The following RASGEF1A variants were observed in gnomAD, a reference collection of about 807,000 sequenced individuals.
The protein encoded by RASGEF1A is ras-GEF domain-containing family member 1A.
In RASGEF1A, 18 loss-of-function variants were observed where a neutral mutation model predicts 56.4. The observed-to-expected ratio is 0.32, with a 90% CI of 0.22 to 0.47. The LOEUF is 0.47. Among genes scored for constraint, RASGEF1A ranks in the 20% least tolerant of loss-of-function variants. The pLI is 1.00. For synonymous variants in RASGEF1A, 245 were observed against 242.6 expected (o/e 1.01, Z -0.09); for missense variants, 422 against 627.1 (o/e 0.67, Z 3.49).
intron 1 of RASGEF1A, among the ~76,000 whole-genome samples, chr10:43,261,054 G>A (rs1051478590): frequency 5.3e-5 from 8 of 151,918 alleles, no homozygotes; most frequent in Non-Finnish European, 1.0e-4. Context: ...CCTGGTGACC[G>A]CAGCTGTGGG....
chr10:43,206,936 C>A (rs1217086829), intron 1 of RASGEF1A: 5 of 985,464 alleles, frequency 5.1e-6, no homozygotes, highest in Non-Finnish European at 6.0e-6. Context: ...GGTGCCCACA[C>A]TGGGACTGTC....
At chr10:43,251,641 C>A (rs923783042) in intron 1 of RASGEF1A, among the ~76,000 whole-genome samples, 2 of 152,206 alleles carry the variant, frequency 1.3e-5, no homozygotes, top group Non-Finnish European at 2.9e-5. Flanking sequence ...GTGGCACAGT[C>A]CTGTTAATTG....
At chr10:43,263,334 C>T (rs954000) in intron 1 of RASGEF1A, among the ~76,000 whole-genome samples, 29,556 of 152,036 alleles carry the variant, frequency 0.19, 3,193 homozygotes, top group Non-Finnish European at 0.26. Context: ...TGCAGATTGG[C>T]GTGGGTGGGA....
chr10:43,209,693 A>C (rs1041145372), intron 1 of RASGEF1A, among the ~76,000 whole-genome samples: 8 of 150,726 alleles, frequency 5.3e-5, no homozygotes, highest in African/African-American at 1.5e-4. Context: ...CCCCCCCACC[A>C]GGGCTAGGCA....
intron 1 of RASGEF1A, among the ~76,000 whole-genome samples, chr10:43,247,377 G>A (rs1840577556): frequency 6.6e-6 from 1 of 152,142 alleles, no homozygotes; most frequent in South Asian, 2.1e-4. Context: ...GTTAAACAGA[G>A]TTATCATAGG....
intron 1 of RASGEF1A, among the ~76,000 whole-genome samples, chr10:43,263,931 G>A (rs537121974): frequency 1.6e-4 from 25 of 152,056 alleles, no homozygotes; most frequent in African/African-American, 5.8e-4. Context: ...CACAGGCCCC[G>A]CTTGAGTCCT....
At chr10:43,220,283 G>A (rs1840191047) in intron 1 of RASGEF1A, among the ~76,000 whole-genome samples, 1 of 152,198 alleles carries the variant, frequency 6.6e-6, no homozygotes, top group Non-Finnish European at 1.5e-5. Context: ...AGGATCGCTT[G>A]AGCCCAGGAG....
rs561409702 is a variant in RASGEF1A at position 43,212,201 on chromosome 10, A to T, written c.-6-6079T>A. On this transcript the variant is annotated intron_variant, in intron 1 of 12. Transcript: ENST00000395810. ...GAAGTTTCACAGAGCCTCCCCAGAG[A>T]TGCCTGGGATGCCAGCTGTTGTTGG... 7.9e-5 allele frequency among the ~76,000 whole-genome samples: 12 copies of T among 152,238 alleles called. No homozygotes were observed. The East Asian group carries it at 2.3e-3, about 30-fold the overall frequency.
At chr10:43,235,109 T>C (rs548181922) in intron 1 of RASGEF1A, among the ~76,000 whole-genome samples, 1 of 152,222 alleles carries the variant, frequency 6.6e-6, no homozygotes, top group South Asian at 2.1e-4. Context: ...ATACCATTAG[T>C]GCTCCCTTTT....
intron 1 of RASGEF1A, among the ~76,000 whole-genome samples, chr10:43,257,323 G>A (rs968307702): frequency 6.6e-6 from 1 of 152,222 alleles, no homozygotes; most frequent in Non-Finnish European, 1.5e-5. Context: ...GCCCACCCTG[G>A]GCCCACTTGT....
intron 1 of RASGEF1A, among the ~76,000 whole-genome samples, chr10:43,219,657 G>T (rs375026830): frequency 7.2e-5 from 11 of 152,334 alleles, no homozygotes; most frequent in African/African-American, 2.6e-4. Context: ...GACAGTGAGC[G>T]GGCAGGGTCA....
At position 43,252,593 on chromosome 10, in the gene RASGEF1A, C is replaced by G. The variant is rs574129467; in HGVS notation, c.-7+14252G>C. 1.6e-3 allele frequency among the ~76,000 whole-genome samples: 241 copies of G among 152,260 alleles called. 1 individual carries two copies. The highest frequency in any genetic ancestry group is 5.8e-3 in the African/African-American group (239 of 41,550). On this transcript the variant is annotated intron_variant, in intron 1 of 12. Transcript: ENST00000395810. ...TTGACTTCTGCTTAGCCATGGACTC[C>G]CAGGAAGGGAGGGGACGTGACTGTG...
At position 43,199,175 on chromosome 10, in the gene RASGEF1A, C is replaced by T. The variant is rs1432716174; in HGVS notation, c.869G>A (p.Arg290Gln). 8 of 1,611,532 alleles carry T rather than the reference C, an allele frequency of 5.0e-6. No individual in the cohort carries two copies. Among genetic ancestry groups the T allele is most frequent in the South Asian group, 1.1e-5 (1 of 90,736 alleles). ...EVCRVVKKKHRTRMLEFFIDV... is the reference protein window; with the variant it reads ...EVCRVVKKKHQTRMLEFFIDV... ...AATGAAGAACTCCAACATGCGGGTCCGGTGTTTCTTCTTCACCACCTGGAA... is the reference window on the plus strand; with the variant it reads ...AATGAAGAACTCCAACATGCGGGTCTGGTGTTTCTTCTTCACCACCTGGAA... The change falls in exon 8 of 13, where the codon CGG (arginine) becomes CAG (glutamine). Residue 290 changes from arginine (R) to glutamine (Q), a missense_variant. Transcript: ENST00000395810.
chr10:43,198,412 A>C (rs928446211), intron 9 of RASGEF1A, among the ~76,000 whole-genome samples: 1 of 152,192 alleles, frequency 6.6e-6, no homozygotes, highest in Non-Finnish European at 1.5e-5. Context: ...CTGGAAAGCC[A>C]CAGAAGTGTC....
intron 1 of RASGEF1A, among the ~76,000 whole-genome samples, chr10:43,222,868 G>A (rs924596974): frequency 6.6e-6 from 1 of 152,206 alleles, no homozygotes; most frequent in Non-Finnish European, 1.5e-5. Flanking sequence ...CTCAACCTGT[G>A]AGATCTGACT....
At chr10:43,219,811 T>C (rs1363066872) in intron 1 of RASGEF1A, among the ~76,000 whole-genome samples, 2 of 152,258 alleles carry the variant, frequency 1.3e-5, no homozygotes, top group Non-Finnish European at 2.9e-5. Flanking sequence ...TCTTTTACTT[T>C]TAAATGATAA....
intron 1 of RASGEF1A, among the ~76,000 whole-genome samples, chr10:43,219,387 T>A (rs1242716285): frequency 6.6e-6 from 1 of 152,152 alleles, no homozygotes; most frequent in Non-Finnish European, 1.5e-5. Flanking sequence ...AGGAGGGGGC[T>A]GGGAAGCAGT....
chr10:43,257,613 A>C (rs1339462371), intron 1 of RASGEF1A, among the ~76,000 whole-genome samples: 1 of 152,144 alleles, frequency 6.6e-6, no homozygotes, highest in Non-Finnish European at 1.5e-5. Context: ...GGGCCTCCCC[A>C]GGGGGTAGTG....
rs1441582766 is a variant in RASGEF1A, at chr10:43,198,953, C to A, written c.1012G>T (p.Ala338Ser). ...LKKTWSKVKTAKFDVLEHHMD... is the reference protein window; with the variant it reads ...LKKTWSKVKTSKFDVLEHHMD... Reference sequence around the variant, plus strand: ...CCTACCTCCAAGACATCAAACTTGGCTGTCTTGACCTTGGACCAAGTTTTC... The same window carrying A: ...CCTACCTCCAAGACATCAAACTTGGATGTCTTGACCTTGGACCAAGTTTTC... Residue 338 changes from alanine to serine, a missense_variant, in exon 9 of 13, where the codon GCC becomes TCC. Around this residue, in one of 2 missense-constraint regions of RASGEF1A, gnomAD observed 149 missense variants for 287.2 expected, o/e 0.52. Coordinates refer to ENST00000395810, the MANE Select transcript of RASGEF1A (RefSeq NM_145313.4). 1 of 1,612,210 alleles carries A rather than the reference C, an allele frequency of 6.2e-7. No homozygotes were observed. The highest frequency in any genetic ancestry group is 8.5e-7 in the Non-Finnish European group (1 of 1,179,290).
Sources: allele counts gnomAD v4.1 joint callset (sites outside exome capture counted in the v4.1 genomes callset), GRCh38; gene constraint gnomAD v4.1.1; regional missense constraint gnomAD v4.1.1; transcripts MANE v1.5; gene names NCBI Gene and HGNC (gene_info 2026-07-23, HGNC 2026-07-21).